The following PDE4D variants were observed in gnomAD, a reference collection of about 807,000 sequenced individuals.
PDE4D encodes 3',5'-cyclic-AMP phosphodiesterase 4D.
A neutral mutation model predicts 87.4 loss-of-function variants in PDE4D; 24 were observed. The observed-to-expected ratio is 0.27, with a 90% CI of 0.20 to 0.39. The LOEUF (loss-of-function observed/expected upper bound fraction) is 0.39. PDE4D is among the 10% of genes least tolerant of loss of function. PDE4D has a pLI of 1.00. For missense variants in PDE4D, 714 were observed against 1,041.0 expected (o/e 0.69, Z 4.32); for synonymous variants, 384 against 383.2 (o/e 1.00, Z -0.02).
rs114203078 is a variant in PDE4D, at chr5:60,016,395, G to A, written c.43-27678C>T. Among the ~76,000 whole-genome samples the A allele has an allele frequency of 5.6e-3, 849 of 152,182 alleles. 12 individuals are homozygous for A. The highest frequency in any genetic ancestry group is 0.019 in the African/African-American group (795 of 41,512). ...TGGTAGCTGATGACTGATCAGAGTGGGGGTTGTGAAGGTTGGGGTGGCTAT... is the reference window on the plus strand; with the variant it reads ...TGGTAGCTGATGACTGATCAGAGTGAGGGTTGTGAAGGTTGGGGTGGCTAT... On this transcript the variant is annotated intron_variant, in intron 2 of 16. Transcript: ENST00000502484.
intron 1 of PDE4D, among the ~76,000 whole-genome samples, chr5:59,272,384 A>G (rs1347282962): frequency 6.6e-6 from 1 of 152,102 alleles, no homozygotes; most frequent in Non-Finnish European, 1.5e-5. Context: ...GTAAGGTAAT[A>G]TTTTCATAGT....
intron 5 of PDE4D, among the ~76,000 whole-genome samples, chr5:59,139,694 G>A (rs761713837): frequency 6.6e-6 from 1 of 151,474 alleles, no homozygotes; most frequent in Non-Finnish European, 1.5e-5. Context: ...TGTCCAGGCT[G>A]GTCTCAAACT....
At chr5:59,454,958 A>T (rs1799693953) in intron 1 of PDE4D, among the ~76,000 whole-genome samples, 1 of 152,220 alleles carries the variant, frequency 6.6e-6, no homozygotes, top group South Asian at 2.1e-4. Context: ...ATTTGGTGGA[A>T]GAAATTTCTA....
chr5:59,257,543 A>AT (rs576279140), intron 1 of PDE4D, among the ~76,000 whole-genome samples: 3 of 151,496 alleles, frequency 2.0e-5, no homozygotes, highest in Admixed American at 6.6e-5. Flanking sequence ...ATTTGGTAGA[A>AT]TTTTTTTTTA....
chr5:59,766,270 T>C (rs1042185799), intron 1 of PDE4D, among the ~76,000 whole-genome samples: 1 of 152,206 alleles, frequency 6.6e-6, no homozygotes, highest in Non-Finnish European at 1.5e-5. Context: ...GGAAACTGCT[T>C]CCTTCTGAGT....
chr5:59,500,902 C>T (rs1318616857), intron 1 of PDE4D, among the ~76,000 whole-genome samples: 1 of 152,130 alleles, frequency 6.6e-6, no homozygotes, highest in Non-Finnish European at 1.5e-5. Context: ...TCTCTTTCCA[C>T]ATTTTCACTT....
chr5:59,836,642 C>CTATCTATA (rs1554095480), intron 1 of PDE4D, among the ~76,000 whole-genome samples: 28 of 148,968 alleles, frequency 1.9e-4, no homozygotes, highest in African/African-American at 3.7e-4. Flanking sequence ...ATCTATCTAT[C>CTATCTATA]TATCTATCTA....
At chr5:60,348,876 A>G (rs987666728) in intron 1 of PDE4D, among the ~76,000 whole-genome samples, 1 of 152,114 alleles carries the variant, frequency 6.6e-6, no homozygotes, top group Non-Finnish European at 1.5e-5. Context: ...CTGTAATTTT[A>G]TTTTGCTAAG....
At chr5:59,778,647 ACTT>A (rs922825263) in intron 1 of PDE4D, among the ~76,000 whole-genome samples, 2 of 152,184 alleles carry the variant, frequency 1.3e-5, no homozygotes, top group Non-Finnish European at 2.9e-5. Context: ...TGGTGAAAAC[ACTT>A]CAGTCTAAAC....
chr5:59,518,098 G>A (rs1811491932), intron 1 of PDE4D, among the ~76,000 whole-genome samples: 1 of 152,058 alleles, frequency 6.6e-6, no homozygotes, highest in African/African-American at 2.4e-5. Flanking sequence ...CCAATTGGAT[G>A]TGCTGGAATT....
In PDE4D at chr5:60,111,321, T is replaced by A. The variant is rs370441847; in HGVS notation, c.42+74236A>T. Reference sequence around the variant, plus strand: ...TCAGCTAAAAAAGAAAAAACCTATCTGACCAGGATATTTTTGGTTATTATT... The same window carrying A: ...TCAGCTAAAAAAGAAAAAACCTATCAGACCAGGATATTTTTGGTTATTATT... On this transcript the variant is annotated intron_variant, in intron 2 of 16. Coordinates refer to the PDE4D transcript ENST00000502484. Among the ~76,000 whole-genome samples, 17 of 152,128 alleles carry A rather than the reference T, an allele frequency of 1.1e-4. No homozygotes were observed. In the East Asian group the frequency reaches 3.1e-3, roughly 28 times the overall value.
At chr5:59,140,182 T>A (rs1438533983) in intron 5 of PDE4D, among the ~76,000 whole-genome samples, 1 of 152,238 alleles carries the variant, frequency 6.6e-6, no homozygotes, top group Non-Finnish European at 1.5e-5. Flanking sequence ...GACATCATAC[T>A]TCTCAAGGGC....
intron 1 of PDE4D, among the ~76,000 whole-genome samples, chr5:59,464,907 A>G (rs1801346927): frequency 6.6e-6 from 1 of 152,230 alleles, no homozygotes; most frequent in East Asian, 1.9e-4. Flanking sequence ...ATCTTTTCAA[A>G]ATACAAATTT....
At chr5:59,218,823 A>G (rs1751830202) in intron 1 of PDE4D, among the ~76,000 whole-genome samples, 2 of 152,144 alleles carry the variant, frequency 1.3e-5, no homozygotes, top group Non-Finnish European at 2.9e-5. Flanking sequence ...AACATTGAGA[A>G]TGAAGATCTA....
chr5:59,242,245 C>T (rs1757829305), intron 1 of PDE4D, among the ~76,000 whole-genome samples: 1 of 152,100 alleles, frequency 6.6e-6, no homozygotes, highest in Non-Finnish European at 1.5e-5. Flanking sequence ...GGGAAATTTA[C>T]TGTGCAAATA....
At chr5:59,687,336 G>A (rs298074) in intron 1 of PDE4D, among the ~76,000 whole-genome samples, 64,442 of 151,906 alleles carry the variant, frequency 0.42, 14,319 homozygotes, top group East Asian at 0.69. Flanking sequence ...GAGAAAGGTC[G>A]GGTTACCCAC....
At chr5:59,590,352 C>A (rs1825747140) in intron 1 of PDE4D, among the ~76,000 whole-genome samples, 1 of 152,098 alleles carries the variant, frequency 6.6e-6, no homozygotes, top group Non-Finnish European at 1.5e-5. Flanking sequence ...TTTTGTTACA[C>A]TAAAAGATAA....
At chr5:59,786,445 A>G (rs1581103181) in intron 1 of PDE4D, among the ~76,000 whole-genome samples, 2 of 152,342 alleles carry the variant, frequency 1.3e-5, no homozygotes, top group South Asian at 2.1e-4. Flanking sequence ...CAGCTAATTA[A>G]CAGGGCTGCT....
chr5:60,429,148 T>A (rs1418365039), intron 1 of PDE4D, among the ~76,000 whole-genome samples: 1 of 152,240 alleles, frequency 6.6e-6, no homozygotes, highest in Non-Finnish European at 1.5e-5. Context: ...CATGGAATGT[T>A]TTTCCATTTG....
Sources: allele counts gnomAD v4.1 joint callset (sites outside exome capture counted in the v4.1 genomes callset), GRCh38; gene constraint gnomAD v4.1.1; transcripts MANE v1.5; gene names NCBI Gene and HGNC (gene_info 2026-07-23, HGNC 2026-07-21).